LINGO2: variants seen among roughly 807,000 people sequenced by gnomAD.
The protein encoded by LINGO2 is leucine-rich repeat and immunoglobulin-like domain-containing nogo receptor-interacting protein 2.
LINGO2 carries 14 observed loss-of-function variants against 30.6 expected under a neutral mutation model. The observed-to-expected ratio is 0.46, with a 90% CI of 0.30 to 0.72. The LOEUF (loss-of-function observed/expected upper bound fraction) is 0.72, where lower values mean the gene tolerates loss of function less well. LINGO2 is among the 30% of genes least tolerant of loss of function. The pLI, the probability that LINGO2 is intolerant of heterozygous loss-of-function variation, is 0.07. For synonymous variants in LINGO2, 317 were observed against 288.5 expected (o/e 1.10, Z -1.00); for missense variants, 729 against 751.7 (o/e 0.97, Z 0.35).
At chr9:27,982,495 G>A (rs1018472133) in intron 5 of LINGO2, among the ~76,000 whole-genome samples, 1 of 151,690 alleles carries the variant, frequency 6.6e-6, no homozygotes, top group African/African-American at 2.4e-5. Context: ...CTACATATCA[G>A]GTTCTAAGAA....
At chr9:29,003,490 C>T in the LINGO2 span, among the ~76,000 whole-genome samples, 3 of 151,426 alleles carry the variant, frequency 2.0e-5, no homozygotes, top group Non-Finnish European at 2.9e-5. Context: ...TGGGGGAGAG[C>T]AAGAGAAAAA....
intron 2 of LINGO2, among the ~76,000 whole-genome samples, chr9:28,390,720 T>G (rs1177960660): frequency 6.6e-6 from 1 of 152,160 alleles, no homozygotes; most frequent in Non-Finnish European, 1.5e-5. Context: ...ATCTGACTTC[T>G]CCTAGGTAAA....
At chr9:28,275,774 A>G (rs1335518643) in intron 4 of LINGO2, among the ~76,000 whole-genome samples, 1 of 152,214 alleles carries the variant, frequency 6.6e-6, no homozygotes. Flanking sequence ...TTAGAGATCG[A>G]CCTTTAATGT....
intron 4 of LINGO2, among the ~76,000 whole-genome samples, chr9:28,113,209 T>C (rs1468353461): frequency 2.6e-5 from 1 of 37,824 alleles, no homozygotes; most frequent in African/African-American, 1.2e-4. Flanking sequence ...TTGTCAAAGA[T>C]CAGATAGTTG....
At chr9:28,632,813 C>CTA (rs71338344) in intron 1 of LINGO2, among the ~76,000 whole-genome samples, 25,144 of 96,186 alleles carry the variant, frequency 0.26, 3,238 homozygotes, top group African/African-American at 0.32. Flanking sequence ...TATAGATGAT[C>CTA]TATATATATT....
At chr9:28,534,024 A>G (rs554325384) in intron 1 of LINGO2, among the ~76,000 whole-genome samples, 3 of 152,316 alleles carry the variant, frequency 2.0e-5, no homozygotes, top group East Asian at 3.9e-4. Context: ...ACTTAATAGA[A>G]AAGTATGAAC....
At chr9:28,093,846 AT>A (rs201444114) in intron 4 of LINGO2, among the ~76,000 whole-genome samples, 9,404 of 148,604 alleles carry the variant, frequency 0.063, 372 homozygotes, top group East Asian at 0.17. Context: ...GTAGCTAAAC[AT>A]TTTTTTTTTT....
At chr9:28,026,222 G>A (rs1408017304) in intron 4 of LINGO2, among the ~76,000 whole-genome samples, 2 of 152,106 alleles carry the variant, frequency 1.3e-5, no homozygotes, top group East Asian at 1.9e-4. Context: ...TTGTTGCTAA[G>A]ATTTTATTAC....
intron 2 of LINGO2, among the ~76,000 whole-genome samples, chr9:28,434,529 CAA>C (rs3064822): frequency 0.02 from 2,626 of 130,970 alleles, 53 homozygotes; most frequent in East Asian, 0.064. Context: ...TCTTGAGCAT[CAA>C]AAAAAAAAAA....
the LINGO2 span, among the ~76,000 whole-genome samples, chr9:29,182,732 T>C: frequency 6.6e-6 from 1 of 151,864 alleles, no homozygotes; most frequent in Non-Finnish European, 1.5e-5. Flanking sequence ...TCCACTAATC[T>C]AGTCTGTGAC....
intron 3 of LINGO2, among the ~76,000 whole-genome samples, chr9:28,335,961 A>C (rs1825575669): frequency 6.6e-6 from 1 of 152,044 alleles, no homozygotes; most frequent in Non-Finnish European, 1.5e-5. Context: ...CAGTAGTATA[A>C]TTTTAGATGT....
the LINGO2 span, among the ~76,000 whole-genome samples, chr9:29,102,965 TCAAA>T: frequency 6.6e-6 from 1 of 152,010 alleles, no homozygotes; most frequent in Admixed American, 6.5e-5. Flanking sequence ...TAATAACTTG[TCAAA>T]CAAGCTGAAG....
chr9:28,951,713 A>G, the LINGO2 span, among the ~76,000 whole-genome samples: 2 of 152,044 alleles, frequency 1.3e-5, no homozygotes, highest in African/African-American at 4.8e-5. Context: ...CCAAGCTCCC[A>G]GTGCCCCAGC....
chr9:28,341,901 T>C (rs533607553), intron 3 of LINGO2, among the ~76,000 whole-genome samples: 17 of 152,218 alleles, frequency 1.1e-4, no homozygotes, highest in Admixed American at 9.8e-4. Context: ...TAACTTCAGA[T>C]TCTCTCTGTG....
the LINGO2 span, among the ~76,000 whole-genome samples, chr9:28,908,401 C>G: frequency 6.6e-6 from 1 of 151,686 alleles, no homozygotes; most frequent in South Asian, 2.1e-4. Flanking sequence ...TGATTATTTC[C>G]TCAATAAGAA....
At chr9:28,708,688 T>C in the LINGO2 span, among the ~76,000 whole-genome samples, 82 of 152,112 alleles carry the variant, frequency 5.4e-4, 1 homozygote, top group Admixed American at 1.4e-3. Context: ...TGTAGCTTCC[T>C]TTGCCTCAGC....
Position 28,147,445 on chromosome 9 carries a change from C to A in LINGO2, c.-86-135040G>T, listed in dbSNP as rs1045599572. 1.3e-5 allele frequency among the ~76,000 whole-genome samples: 2 copies of A among 152,222 alleles called. No individual in the cohort carries two copies. Among genetic ancestry groups the A allele is most frequent in the African/African-American group, 4.8e-5 (2 of 41,476 alleles). Reference sequence around the variant, plus strand: ...CTCTTTGGAAACCTGTGGAGCGAGGCTGGTGGCCCTTGAGGCCACGGCAGC... The same window carrying A: ...CTCTTTGGAAACCTGTGGAGCGAGGATGGTGGCCCTTGAGGCCACGGCAGC... On this transcript the variant is annotated intron_variant, in intron 4 of 5. Coordinates refer to ENST00000379992, the Ensembl canonical transcript of LINGO2. This position sits in a 1 kb window ranked among gnomAD's most constrained non-coding sequence, Gnocchi z 4.7.
chr9:28,503,812 T>C (rs1472714203), intron 1 of LINGO2, among the ~76,000 whole-genome samples: 3 of 151,280 alleles, frequency 2.0e-5, no homozygotes, highest in Non-Finnish European at 4.4e-5. Context: ...AATTAATTAG[T>C]GGGAACATTA....
chr9:28,850,714 G>A, the LINGO2 span, among the ~76,000 whole-genome samples: 1 of 152,108 alleles, frequency 6.6e-6, no homozygotes, highest in African/African-American at 2.4e-5. Context: ...AGGGATGTAT[G>A]GCATGAGTTA....
Sources: allele counts gnomAD v4.1 joint callset (sites outside exome capture counted in the v4.1 genomes callset), GRCh38; gene constraint gnomAD v4.1.1; non-coding constraint Gnocchi (gnomAD v3.1); transcripts MANE v1.5; gene names NCBI Gene and HGNC (gene_info 2026-07-23, HGNC 2026-07-21).